Variants in FAM163A observed in about 807,000 individuals in gnomAD.
FAM163A encodes the protein family with sequence similarity 163 member A, also known as protein FAM163A.
In FAM163A, 7 loss-of-function variants were observed where a neutral mutation model predicts 12.0. The ratio of observed to expected loss-of-function variants is 0.58; its 90% CI spans 0.33 to 1.10. FAM163A has a LOEUF of 1.10. Among genes scored for constraint, FAM163A ranks in the 50% least tolerant of loss-of-function variants. FAM163A has a pLI of 0.03. For missense variants in FAM163A, 202 were observed against 218.6 expected (o/e 0.92, Z 0.48); for synonymous variants, 101 against 91.0 (o/e 1.11, Z -0.62).
At chr1:179,788,909 G>C (rs3845385) in intron 1 of FAM163A, among the ~76,000 whole-genome samples, 84,629 of 151,998 alleles carry the variant, frequency 0.56, 24,680 homozygotes, top group African/African-American at 0.7. Context: ...CCGTCTATGT[G>C]CACTGTGGTG....
intron 1 of FAM163A, among the ~76,000 whole-genome samples, chr1:179,783,907 A>G (rs995861932): frequency 1.3e-5 from 2 of 151,404 alleles, no homozygotes; most frequent in African/African-American, 4.9e-5. Flanking sequence ...GTATTTCCTG[A>G]TGGGATACAC....
intron 1 of FAM163A, among the ~76,000 whole-genome samples, chr1:179,796,710 T>C (rs769762306): frequency 1.3e-5 from 2 of 152,174 alleles, no homozygotes; most frequent in Non-Finnish European, 2.9e-5. Flanking sequence ...CCAACTTACC[T>C]TTTACCCCAA....
At chr1:179,791,427 G>T (rs1171149012) in intron 1 of FAM163A, among the ~76,000 whole-genome samples, 1 of 152,192 alleles carries the variant, frequency 6.6e-6, no homozygotes, top group African/African-American at 2.4e-5. Context: ...CATACCCTGT[G>T]CCTGCAGCAT....
chr1:179,797,899 G>A (rs1692569892), intron 1 of FAM163A, among the ~76,000 whole-genome samples: 2 of 152,086 alleles, frequency 1.3e-5, no homozygotes, highest in South Asian at 4.1e-4. Flanking sequence ...GTGTTGATGT[G>A]CGGTTGACTT....
chr1:179,805,958 C>T (rs7514075), intron 1 of FAM163A, among the ~76,000 whole-genome samples: 18 of 152,258 alleles, frequency 1.2e-4, no homozygotes, highest in African/African-American at 4.3e-4. Context: ...ATCTGGAGGC[C>T]GCCTGCAGCC....
intron 2 of FAM163A, among the ~76,000 whole-genome samples, chr1:179,810,796 G>A (rs1187336563): frequency 6.6e-6 from 1 of 152,164 alleles, no homozygotes; most frequent in Non-Finnish European, 1.5e-5. Context: ...ACTTTGGGAG[G>A]CCAAGGCGGG....
intron 1 of FAM163A, among the ~76,000 whole-genome samples, chr1:179,787,760 G>A (rs1256666834): frequency 6.6e-6 from 1 of 152,184 alleles, no homozygotes; most frequent in Non-Finnish European, 1.5e-5. Flanking sequence ...GGGAGGACTG[G>A]AGCTCAGTGA....
At chr1:179,731,961 T>C in the FAM163A span, among the ~76,000 whole-genome samples, 1 of 152,154 alleles carries the variant, frequency 6.6e-6, no homozygotes, top group African/African-American at 2.4e-5. Flanking sequence ...ATATACTCTA[T>C]CCCCATGTGT....
intron 1 of FAM163A, among the ~76,000 whole-genome samples, chr1:179,783,701 G>C (rs1376168791): frequency 8.8e-6 from 1 of 113,914 alleles, no homozygotes; most frequent in African/African-American, 3.4e-5. Flanking sequence ...CCACACACTT[G>C]GCACTTTTTT....
chr1:179,790,185 C>T (rs375173782), intron 1 of FAM163A, among the ~76,000 whole-genome samples: 1 of 146,108 alleles, frequency 6.8e-6, no homozygotes, highest in South Asian at 2.2e-4. Context: ...ATACTATTAA[C>T]AGGAGTGGGA....
chr1:179,749,686 C>T (rs191831378), intron 1 of FAM163A, among the ~76,000 whole-genome samples: 236 of 134,834 alleles, frequency 1.8e-3, no homozygotes, highest in African/African-American at 6.7e-3. Context: ...ACTGAAACCC[C>T]ACCTCTACTA....
the FAM163A span, among the ~76,000 whole-genome samples, chr1:179,728,286 C>G: frequency 1.3e-5 from 2 of 152,138 alleles, no homozygotes; most frequent in Admixed American, 1.3e-4. Context: ...GGGTCATCCA[C>G]AGTTGTGAAT....
At chr1:179,782,612 C>G (rs1047469151) in intron 1 of FAM163A, among the ~76,000 whole-genome samples, 2 of 152,136 alleles carry the variant, frequency 1.3e-5, no homozygotes, top group Non-Finnish European at 2.9e-5. Context: ...TCCCAGGCAC[C>G]CTGAAGCTGC....
chr1:179,737,088 C>T, the FAM163A span, among the ~76,000 whole-genome samples: 1 of 151,950 alleles, frequency 6.6e-6, no homozygotes, highest in African/African-American at 2.4e-5. Context: ...ATCACAATAG[C>T]CAAGGTATCA....
At chr1:179,764,901 G>A (rs891136131) in intron 1 of FAM163A, among the ~76,000 whole-genome samples, 4 of 152,140 alleles carry the variant, frequency 2.6e-5, no homozygotes, top group Admixed American at 6.5e-5. Context: ...AAAGCCATAC[G>A]TGAAATGCTC....
At chr1:179,769,515 C>A (rs1047485123) in intron 1 of FAM163A, among the ~76,000 whole-genome samples, 1 of 152,228 alleles carries the variant, frequency 6.6e-6, no homozygotes, top group Non-Finnish European at 1.5e-5. Context: ...TCCCACTCTT[C>A]AAGAACTCAG....
intron 1 of FAM163A, among the ~76,000 whole-genome samples, chr1:179,789,068 A>G (rs563004309): frequency 6.6e-6 from 1 of 152,362 alleles, no homozygotes; most frequent in African/African-American, 2.4e-5. Flanking sequence ...CTCTTCTATG[A>G]GCCCAAAGAT....
At chr1:179,767,462 T>C (rs1687662846) in intron 1 of FAM163A, among the ~76,000 whole-genome samples, 1 of 152,176 alleles carries the variant, frequency 6.6e-6, no homozygotes, top group African/African-American at 2.4e-5. Flanking sequence ...GCCAGTATAC[T>C]ACACATTTGT....
chr1:179,759,756 T>C (rs1686551660), intron 1 of FAM163A, among the ~76,000 whole-genome samples: 1 of 152,050 alleles, frequency 6.6e-6, no homozygotes, highest in Non-Finnish European at 1.5e-5. Flanking sequence ...AACCTCTGCC[T>C]CCCAGGTTCA....
Sources: gnomAD v4.1 joint callset for allele counts (sites outside exome capture counted in the v4.1 genomes callset) on GRCh38, gnomAD v4.1.1 for gene constraint, MANE v1.5 for transcripts, NCBI Gene and HGNC (gene_info 2026-07-23, HGNC 2026-07-21) for gene names.